SHOX: variants seen among roughly 807,000 people sequenced by gnomAD.
The protein encoded by SHOX is short stature homeobox protein.
In SHOX, 12 loss-of-function variants were observed where a neutral mutation model predicts 29.6. The ratio of observed to expected loss-of-function variants is 0.41; its 90% CI spans 0.26 to 0.66. The LOEUF (loss-of-function observed/expected upper bound fraction) is 0.66, where lower values mean the gene tolerates loss of function less well. Among genes scored for constraint, SHOX ranks in the 30% least tolerant of loss-of-function variants. SHOX has a pLI of 0.35. For synonymous variants in SHOX, 214 were observed against 200.6 expected, an observed-to-expected ratio of 1.07 and a Z score of -0.57; for missense variants, 499 against 437.7, an observed-to-expected ratio of 1.14 and a Z score of -1.25.
At chrX:624,972 C>T (rs1351923576) in intron 1 of SHOX, among the ~76,000 whole-genome samples, 9 of 145,602 alleles carry the variant, frequency 6.2e-5, no homozygotes, top group Admixed American at 5.7e-4. Context: ...TGGAGCTTTC[C>T]TTTTCTTTTC....
chrX:627,349 G>A (rs1411135626), upstream of SHOX, among the ~76,000 whole-genome samples: 6 of 152,166 alleles, frequency 3.9e-5, no homozygotes, highest in Non-Finnish European at 7.3e-5. Context: ...AACGCTGGGT[G>A]TTTCCTGCCT....
chrX:651,260 C>T lies in SHOX; in HGVS notation c.*6624C>T, dbSNP rs1324661036. The T allele has an allele frequency of 6.2e-5, 28 of 454,630 alleles. No homozygotes were observed. Among genetic ancestry groups the T allele is most frequent in the Non-Finnish European group, 1.0e-4 (23 of 226,252 alleles). The allele number at this position is 454,630 out of a possible 1,614,324, so 28.2% of individuals were successfully genotyped here. ...TTGACGACATAGCGGCCCCCGCGTCCGGGTTACAAATACATCTACAGATAT... is the reference window on the plus strand; with the variant it reads ...TTGACGACATAGCGGCCCCCGCGTCTGGGTTACAAATACATCTACAGATAT... On this transcript the variant is annotated 3_prime_UTR_variant, in exon 5 of 5. Coordinates refer to ENST00000686671, the MANE Select transcript of SHOX (RefSeq NM_000451.4).
At chrX:658,065 C>A (rs2053171629) in intron 5 of SHOX, among the ~76,000 whole-genome samples, 1 of 151,992 alleles carries the variant, frequency 6.6e-6, no homozygotes, top group Admixed American at 6.6e-5. Flanking sequence ...ACCTCAGCCT[C>A]CCAGGTACAA....
At position 650,006 on chromosome X, in the gene SHOX, G is replaced by A. The variant is rs1435792613; in HGVS notation, c.*5370G>A. Reference sequence around the variant, plus strand: ...TATTAGATTTTCTTTCTCCGTTCGAGTCTCTGACTGGTGCATACTTTGCAA... The same window carrying A: ...TATTAGATTTTCTTTCTCCGTTCGAATCTCTGACTGGTGCATACTTTGCAA... On this transcript the variant is annotated 3_prime_UTR_variant, in exon 5 of 5. Transcript: ENST00000686671. 2.6e-5 allele frequency: 12 copies of A among 455,956 alleles called. No homozygotes were observed. In the East Asian group the frequency reaches 8.3e-4, roughly 32 times the overall value. The allele number at this position is 455,956 out of a possible 1,614,324, so 28.2% of individuals were successfully genotyped here. A position where few individuals can be genotyped will look rare whatever the true frequency, so the allele number is the denominator to read the frequency against.
chrX:635,876 G>GAC (rs2052737996), intron 2 of SHOX, among the ~76,000 whole-genome samples: 1 of 151,296 alleles, frequency 6.6e-6, no homozygotes, highest in African/African-American at 2.5e-5. Flanking sequence ...GAGAGAGAGA[G>GAC]AGAGAGAGAC....
chrX:643,612 CTGGGAGAG>C (rs2052906036), intron 4 of SHOX, among the ~76,000 whole-genome samples: 1 of 131,554 alleles, frequency 7.6e-6, no homozygotes, highest in African/African-American at 3.1e-5. Flanking sequence ...ACCTGGTGTC[CTGGGAGAG>C]CCTTGGGGAT....
upstream of SHOX, among the ~76,000 whole-genome samples, chrX:626,907 C>G (rs1378177921): frequency 4.0e-5 from 6 of 151,166 alleles, no homozygotes; most frequent in Admixed American, 3.9e-4. Context: ...TTCTCTGTCT[C>G]TCTCTGTGTC....
At chrX:655,343 G>C (rs1569496538), downstream of SHOX, among the ~76,000 whole-genome samples, 1 of 151,774 alleles carries the variant, frequency 6.6e-6, no homozygotes, top group South Asian at 2.1e-4. Flanking sequence ...TCTTGACTTT[G>C]TGATCTGCCT....
At chrX:653,833 A>T (rs2053101104), downstream of SHOX, among the ~76,000 whole-genome samples, 1 of 152,058 alleles carries the variant, frequency 6.6e-6, no homozygotes, top group Admixed American at 6.6e-5. Context: ...CAATGTAGGG[A>T]TTTAAAGAAA....
chrX:642,537 G>A (rs113716093), intron 4 of SHOX, among the ~76,000 whole-genome samples: 1 of 152,246 alleles, frequency 6.6e-6, no homozygotes, highest in Admixed American at 6.5e-5. Context: ...CAGGCCCGAA[G>A]GAGAGGGGTC....
intron 2 of SHOX, among the ~76,000 whole-genome samples, chrX:635,389 G>C (rs1483989309): frequency 6.6e-6 from 1 of 152,214 alleles, no homozygotes; most frequent in African/African-American, 2.4e-5. Flanking sequence ...GATGAAAGGA[G>C]AGGGGTGTCC....
upstream of SHOX, among the ~76,000 whole-genome samples, chrX:630,243 G>A (rs2052622080): frequency 6.6e-6 from 1 of 152,086 alleles, no homozygotes; most frequent in Non-Finnish European, 1.5e-5. Context: ...CTCCATCCAA[G>A]GGCGCGCCGC....
intron 5 of SHOX, among the ~76,000 whole-genome samples, chrX:658,547 T>A (rs987756819): frequency 6.6e-6 from 1 of 150,884 alleles, no homozygotes; most frequent in Non-Finnish European, 1.5e-5. Flanking sequence ...CTCCGCTCAC[T>A]GCAAGCTCCT....
intron 2 of SHOX, among the ~76,000 whole-genome samples, chrX:639,576 G>A (rs968631539): frequency 1.3e-5 from 2 of 152,224 alleles, no homozygotes; most frequent in Non-Finnish European, 2.9e-5. Context: ...GAGTTGGGGG[G>A]CGGGGCGCCC....
At chrX:635,602 G>C (rs1298103834) in intron 2 of SHOX, among the ~76,000 whole-genome samples, 2 of 152,222 alleles carry the variant, frequency 1.3e-5, no homozygotes, top group African/African-American at 4.8e-5. Flanking sequence ...CCCGAGGAGC[G>C]CGCGAATTCA....
intron 4 of SHOX, 170 bp from the exon 5 acceptor site, chrX:644,221 T>C (rs2052921213): frequency 1.8e-6 from 1 of 545,222 alleles, no homozygotes; most frequent in South Asian, 7.9e-5. Flanking sequence ...GCGCCAATTC[T>C]GGGCCAGGGG....
chrX:635,977 G>A (rs1165933663), intron 2 of SHOX, among the ~76,000 whole-genome samples: 1 of 151,804 alleles, frequency 6.6e-6, no homozygotes, highest in East Asian at 1.9e-4. Flanking sequence ...AGCAAACGGC[G>A]TTCAAAGCAA....
At chrX:635,457 G>T (rs1354222412) in intron 2 of SHOX, among the ~76,000 whole-genome samples, 6 of 152,044 alleles carry the variant, frequency 3.9e-5, no homozygotes, top group Admixed American at 3.9e-4. Context: ...TTCACCTACC[G>T]TTTCTATCTC....
intron 1 of SHOX, chrX:624,689 TC>T (rs1318536504): frequency 9.3e-6 from 1 of 107,536 alleles, no homozygotes; most frequent in Non-Finnish European, 1.9e-5. Flanking sequence ...TTCCTTCCTC[TC>T]TTCCTCTTTC....
Sources: gnomAD v4.1 joint callset for allele counts (sites outside exome capture counted in the v4.1 genomes callset) on GRCh38, gnomAD v4.1.1 for gene constraint, MANE v1.5 for transcripts, NCBI Gene and HGNC (gene_info 2026-07-23, HGNC 2026-07-21) for gene names.